The following RIMS2 variants were observed in gnomAD, a reference collection of about 807,000 sequenced individuals.
RIMS2 encodes regulating synaptic membrane exocytosis 2, also known as regulating synaptic membrane exocytosis protein 2.
RIMS2 carries 59 observed loss-of-function variants against 174.4 expected under a neutral mutation model. The observed-to-expected ratio is 0.34, with a 90% CI of 0.27 to 0.42. The LOEUF is 0.42. Among genes scored for constraint, RIMS2 ranks in the 10% least tolerant of loss-of-function variants. RIMS2 has a pLI of 1.00. For missense variants in RIMS2, 1,620 were observed against 1,666.3 expected (o/e 0.97, Z 0.48); for synonymous variants, 606 against 572.5 (o/e 1.06, Z -0.84).
chr8:104,125,094 T>C (rs1473999929), intron 19 of RIMS2, among the ~76,000 whole-genome samples: 1 of 151,964 alleles, frequency 6.6e-6, no homozygotes, highest in African/African-American at 2.4e-5. Flanking sequence ...CCAAACAGTA[T>C]ATAGAATTGT....
chr8:103,637,225 A>C (rs1195208624), intron 1 of RIMS2, among the ~76,000 whole-genome samples: 1 of 152,158 alleles, frequency 6.6e-6, no homozygotes, highest in Non-Finnish European at 1.5e-5. Flanking sequence ...TGTAGTCTCA[A>C]TTTTGGTATT....
intron 3 of RIMS2, among the ~76,000 whole-genome samples, chr8:103,863,336 A>T (rs1160351532): frequency 1.3e-5 from 2 of 151,262 alleles, no homozygotes; most frequent in African/African-American, 4.9e-5. Context: ...TGGTGTATTA[A>T]TTTTTTTTGG....
intron 12 of RIMS2, among the ~76,000 whole-genome samples, chr8:103,932,723 T>C (rs1015262327): frequency 1.3e-5 from 2 of 152,224 alleles, no homozygotes; most frequent in South Asian, 2.1e-4. Flanking sequence ...GTTTTATTTT[T>C]ATGTAACCCC....
chr8:104,050,242 A>C (rs1310601823), intron 19 of RIMS2, among the ~76,000 whole-genome samples: 2 of 152,164 alleles, frequency 1.3e-5, no homozygotes, highest in Non-Finnish European at 2.9e-5. Flanking sequence ...GCAGCTACTA[A>C]ATATATACGT....
At chr8:103,655,262 C>A (rs2096514026) in intron 1 of RIMS2, among the ~76,000 whole-genome samples, 1 of 151,780 alleles carries the variant, frequency 6.6e-6, no homozygotes, top group Non-Finnish European at 1.5e-5. Flanking sequence ...TTTCTCTTTT[C>A]TTTTGCTATT....
intron 19 of RIMS2, among the ~76,000 whole-genome samples, chr8:104,107,017 T>A (rs901291365): frequency 1.3e-5 from 2 of 152,012 alleles, no homozygotes; most frequent in Non-Finnish European, 2.9e-5. Flanking sequence ...ATCTTCAGGA[T>A]ACAAAAGTGA....
At chr8:103,869,233 T>A (rs981311199) in intron 3 of RIMS2, among the ~76,000 whole-genome samples, 4 of 150,956 alleles carry the variant, frequency 2.6e-5, no homozygotes, top group African/African-American at 7.3e-5. Flanking sequence ...TTCGCTCCTG[T>A]CGCCCAGGCT....
chr8:103,582,280 C>G (rs2093662637), intron 1 of RIMS2, among the ~76,000 whole-genome samples: 1 of 152,124 alleles, frequency 6.6e-6, no homozygotes, highest in Non-Finnish European at 1.5e-5. Flanking sequence ...TAACCAGCAG[C>G]AATACTTAGG....
At chr8:103,534,949 A>T (rs1219345464) in intron 1 of RIMS2, among the ~76,000 whole-genome samples, 1 of 152,196 alleles carries the variant, frequency 6.6e-6, no homozygotes, top group Non-Finnish European at 1.5e-5. Context: ...GTTGAGACTT[A>T]TTTGAAATCT....
At chr8:103,587,128 C>G (rs1198761119) in intron 1 of RIMS2, among the ~76,000 whole-genome samples, 1 of 151,972 alleles carries the variant, frequency 6.6e-6, no homozygotes. Flanking sequence ...AATTTCTAGA[C>G]ATATACAACC....
intron 19 of RIMS2, among the ~76,000 whole-genome samples, chr8:104,202,436 G>A (rs1047955142): frequency 2.4e-4 from 37 of 152,184 alleles, no homozygotes; most frequent in Non-Finnish European, 4.0e-4. Flanking sequence ...TGAAAGCACT[G>A]TAAAGCTAAA....
chr8:104,001,862 C>T (rs2095404267), intron 17 of RIMS2, among the ~76,000 whole-genome samples: 1 of 152,024 alleles, frequency 6.6e-6, no homozygotes, highest in South Asian at 2.1e-4. Context: ...CACAACCACC[C>T]ACTACCCTTC....
chr8:103,794,552 G>A (rs1239878794), intron 3 of RIMS2, among the ~76,000 whole-genome samples: 1 of 152,140 alleles, frequency 6.6e-6, no homozygotes, highest in Admixed American at 6.6e-5. Context: ...AACACCAATG[G>A]CAATGGCAAC....
chr8:103,867,201 C>CA (rs2099088239), intron 3 of RIMS2, among the ~76,000 whole-genome samples: 1 of 151,704 alleles, frequency 6.6e-6, no homozygotes, highest in African/African-American at 2.4e-5. Context: ...TTCAGAAAAT[C>CA]AAATTTTCTA....
chr8:103,974,212 G>A (rs1336690328), intron 15 of RIMS2, among the ~76,000 whole-genome samples: 3 of 152,148 alleles, frequency 2.0e-5, no homozygotes, highest in African/African-American at 7.2e-5. Context: ...TGTTTCTAGG[G>A]AATCTAATGT....
chr8:103,685,284 G>A (rs936066929), intron 1 of RIMS2, among the ~76,000 whole-genome samples: 1 of 152,134 alleles, frequency 6.6e-6, no homozygotes, highest in Non-Finnish European at 1.5e-5. Context: ...TCCATTCATG[G>A]TGGAAGGCAA....
chr8:104,090,623 G>A (rs1414473492), intron 19 of RIMS2, among the ~76,000 whole-genome samples: 1 of 151,694 alleles, frequency 6.6e-6, no homozygotes, highest in African/African-American at 2.4e-5. Flanking sequence ...GCCAAGAAGT[G>A]TCATATATTT....
intron 3 of RIMS2, among the ~76,000 whole-genome samples, chr8:103,767,973 C>G (rs1396461273): frequency 6.6e-6 from 1 of 152,146 alleles, no homozygotes; most frequent in Non-Finnish European, 1.5e-5. Context: ...ATTGTTAACT[C>G]TCTGAAACTC....
chr8:104,059,402 T>G (rs2096935108), intron 19 of RIMS2, among the ~76,000 whole-genome samples: 2 of 151,438 alleles, frequency 1.3e-5, no homozygotes, highest in Admixed American at 6.6e-5. Context: ...ATGCTTGTGA[T>G]TTTTGTACAT....
Sources: allele counts gnomAD v4.1 joint callset (sites outside exome capture counted in the v4.1 genomes callset), GRCh38; gene constraint gnomAD v4.1.1; transcripts MANE v1.5; gene names NCBI Gene and HGNC (gene_info 2026-07-23, HGNC 2026-07-21).